The following HACL1 variants were observed in gnomAD, a reference collection of about 807,000 sequenced individuals.
HACL1 encodes 1600020H07Rik.
HACL1 carries 64 observed loss-of-function variants against 74.2 expected under a neutral mutation model. The ratio of observed to expected loss-of-function variants is 0.86; its 90% CI spans 0.70 to 1.06. HACL1 has a LOEUF of 1.06. Ranked by LOEUF, HACL1 falls within the 50% of genes least tolerant of loss-of-function variation. The probability of loss-of-function intolerance (pLI) is 0.00; values close to 1 mark genes in which losing one functional copy is unlikely to be tolerated. For missense variants in HACL1, 728 were observed against 719.7 expected, an observed-to-expected ratio of 1.01 and a Z score of -0.13; for synonymous variants, 230 against 238.8, an observed-to-expected ratio of 0.96 and a Z score of 0.34.
rs548898270 is a variant in HACL1 at position 15,567,295 on chromosome 3, C to A, written c.1409+549G>T. ...GTGCGATTTCAGCTCACTGCAACCT[C>A]CACTTCCCAGTTCAAGCAACTCTTC... On this transcript the variant is annotated intron_variant, in intron 14 of 16. Coordinates refer to ENST00000321169, the MANE Select transcript of HACL1 (RefSeq NM_012260.4). 1.3e-3 allele frequency among the ~76,000 whole-genome samples: 191 copies of A among 149,966 alleles called. 2 individuals are homozygous for A. The highest frequency in any genetic ancestry group is 3.6e-3 in the African/African-American group (146 of 40,538).
In HACL1 at chr3:15,601,519, A is replaced by G; in HGVS notation, c.-56T>C. 2 of 1,609,102 alleles carry G rather than the reference A, an allele frequency of 1.2e-6. No homozygotes were observed. The highest frequency in any genetic ancestry group is 1.1e-5 in the South Asian group (1 of 91,082). ...AGCCGGCAAACAAGCGGAATCATCC[A>G]GCAAGGCAAACGCGAAATCGGCAGC... On this transcript the variant is annotated 5_prime_UTR_variant, in exon 1 of 17. Transcript: ENST00000321169.
intron 5 of HACL1, among the ~76,000 whole-genome samples, chr3:15,587,320 T>G (rs2063813216): frequency 6.7e-6 from 1 of 149,390 alleles, no homozygotes; most frequent in African/African-American, 2.5e-5. Context: ...TCTAATAAAC[T>G]ATTATTTTCC....
intron 12 of HACL1, among the ~76,000 whole-genome samples, chr3:15,569,467 C>T (rs144939495): frequency 2.2e-3 from 336 of 152,114 alleles, no homozygotes; most frequent in African/African-American, 7.6e-3. Context: ...GGGCGGATCA[C>T]GAGGTTAGGA....
intron 15 of HACL1, among the ~76,000 whole-genome samples, chr3:15,563,798 T>A (rs921853327): frequency 3.3e-5 from 5 of 152,210 alleles, no homozygotes; most frequent in Non-Finnish European, 5.9e-5. Context: ...GTAGCCACTA[T>A]CTACCTGTTG....
chr3:15,586,897 G>A (rs2063804954), intron 5 of HACL1, among the ~76,000 whole-genome samples: 2 of 152,186 alleles, frequency 1.3e-5, no homozygotes, highest in Non-Finnish European at 1.5e-5. Flanking sequence ...CTGCTGGTGA[G>A]ACTATAAATG....
At chr3:15,576,594 T>C (rs1235912800) in intron 9 of HACL1, among the ~76,000 whole-genome samples, 2 of 152,222 alleles carry the variant, frequency 1.3e-5, no homozygotes, top group Non-Finnish European at 2.9e-5. Context: ...GTGGCTCTTA[T>C]AACACATACA....
At chr3:15,576,843 A>G (rs1004976189) in intron 9 of HACL1, among the ~76,000 whole-genome samples, 2 of 152,200 alleles carry the variant, frequency 1.3e-5, no homozygotes, top group African/African-American at 4.8e-5. Context: ...TAAATTGAGT[A>G]CATACTCAAA....
chr3:15,571,545 G>T, intron 12 of HACL1, 123 bp downstream of exon 12: 1 of 705,160 alleles, frequency 1.4e-6, no homozygotes, highest in South Asian at 1.6e-5. Context: ...ATGAGACCTG[G>T]GGTTTTCACT....
chr3:15,589,145 C>G (rs2063846691), intron 5 of HACL1, among the ~76,000 whole-genome samples: 1 of 152,064 alleles, frequency 6.6e-6, no homozygotes, highest in Admixed American at 6.6e-5. Context: ...AAACAGGAGG[C>G]TTTTTTATAT....
At chr3:15,566,378 G>A (rs79836085) in intron 14 of HACL1, among the ~76,000 whole-genome samples, 2,447 of 152,330 alleles carry the variant, frequency 0.016, 66 homozygotes, top group African/African-American at 0.053. Context: ...CTGGGGCCAA[G>A]CATGGTGGCT....
intron 7 of HACL1, 143 bp from the exon 8 acceptor site, chr3:15,583,132 T>G (rs1427540253): frequency 5.5e-6 from 3 of 546,168 alleles, no homozygotes; most frequent in Non-Finnish European, 6.6e-6. Context: ...TAATATCATT[T>G]TACCACATTT....
At chr3:15,563,816 C>T (rs1232080657) in intron 15 of HACL1, among the ~76,000 whole-genome samples, 3 of 152,148 alleles carry the variant, frequency 2.0e-5, no homozygotes, top group Non-Finnish European at 4.4e-5. Flanking sequence ...TTGCTGTGAG[C>T]ACTTGAAATG....
chr3:15,592,277 CATACGTGTAT>C (rs2063934720), intron 3 of HACL1, among the ~76,000 whole-genome samples: 1 of 148,170 alleles, frequency 6.7e-6, no homozygotes, highest in Admixed American at 6.7e-5. Context: ...TATACGTATA[CATACGTGTAT>C]ATGTATACAT....
intron 6 of HACL1, among the ~76,000 whole-genome samples, chr3:15,585,600 A>G (rs1172423360): frequency 6.6e-6 from 1 of 152,158 alleles, no homozygotes; most frequent in Non-Finnish European, 1.5e-5. Context: ...TTAGCTTGGG[A>G]AATTATTCAC....
intron 16 of HACL1, among the ~76,000 whole-genome samples, chr3:15,562,275 C>T (rs1295183713): frequency 6.6e-6 from 1 of 152,146 alleles, no homozygotes; most frequent in Non-Finnish European, 1.5e-5. Context: ...CTGCTTGCTC[C>T]ACAGAAATCC....
At chr3:15,565,109 G>A (rs1288503492) in intron 14 of HACL1, among the ~76,000 whole-genome samples, 6 of 151,558 alleles carry the variant, frequency 4.0e-5, no homozygotes, top group Non-Finnish European at 1.5e-5. Flanking sequence ...AGGTTGCAGT[G>A]AGCAGAGATC....
At chr3:15,569,858 C>T (rs2063496080) in intron 12 of HACL1, among the ~76,000 whole-genome samples, 1 of 150,384 alleles carries the variant, frequency 6.6e-6, no homozygotes, top group African/African-American at 2.5e-5. Context: ...GGCATGGTGC[C>T]AGCTACCTGT....
intron 6 of HACL1, among the ~76,000 whole-genome samples, chr3:15,586,076 T>C (rs1404486378): frequency 6.6e-6 from 1 of 152,132 alleles, no homozygotes; most frequent in Admixed American, 6.5e-5. Context: ...TTCTAAAATC[T>C]GAAAAAATCT....
intron 5 of HACL1, among the ~76,000 whole-genome samples, chr3:15,589,244 C>A (rs1252423910): frequency 3.3e-5 from 5 of 152,072 alleles, no homozygotes; most frequent in African/African-American, 1.2e-4. Flanking sequence ...TGCTTGTAAT[C>A]CCAGCACTTT....
Sources: gnomAD v4.1 joint callset for allele counts (sites outside exome capture counted in the v4.1 genomes callset) on GRCh38, gnomAD v4.1.1 for gene constraint, MANE v1.5 for transcripts, NCBI Gene and HGNC (gene_info 2026-07-23, HGNC 2026-07-21) for gene names.